WDR59: variants seen among roughly 807,000 people sequenced by gnomAD.
The protein encoded by WDR59 is GATOR2 complex protein WDR59.
WDR59 carries 100 observed loss-of-function variants against 131.2 expected under a neutral mutation model. The ratio of observed to expected loss-of-function variants is 0.76; its 90% CI spans 0.65 to 0.90. WDR59 has a LOEUF of 0.90. Ranked by LOEUF, WDR59 falls within the 40% of genes least tolerant of loss-of-function variation. The pLI, the probability that WDR59 is intolerant of heterozygous loss-of-function variation, is 0.00. For synonymous variants in WDR59, 601 were observed against 466.2 expected, an observed-to-expected ratio of 1.29 and a Z score of -3.72; for missense variants, 1,203 against 1,262.2, an observed-to-expected ratio of 0.95 and a Z score of 0.71.
At chr16:74,982,324 A>G (rs1332810492) in intron 1 of WDR59, among the ~76,000 whole-genome samples, 2 of 152,114 alleles carry the variant, frequency 1.3e-5, no homozygotes, top group Non-Finnish European at 2.9e-5. Context: ...GCTAATTCAC[A>G]TAAAGAGGAA....
chr16:74,894,315 G>C (rs1965185574), intron 18 of WDR59, among the ~76,000 whole-genome samples: 1 of 152,152 alleles, frequency 6.6e-6, no homozygotes, highest in Non-Finnish European at 1.5e-5. Context: ...TTTGCACCTT[G>C]AGGAGAATTA....
Position 74,911,678 on chromosome 16 carries a change from T to C in WDR59, c.1389+520A>G, listed in dbSNP as rs1346557194. 5.3e-5 allele frequency among the ~76,000 whole-genome samples: 8 copies of C among 152,348 alleles called. 1 individual carries two copies. The highest frequency in any genetic ancestry group is 3.8e-4 in the East Asian group (2 of 5,196). ...TCTAGGATAACACCAGCTCCTTCTA[T>C]GGGATAAAATTTTTTTTATGACCTT... On this transcript the variant is annotated intron_variant, in intron 14 of 25. Transcript: ENST00000262144.
chr16:74,964,023 T>C (rs996569336), intron 2 of WDR59, among the ~76,000 whole-genome samples: 3 of 151,182 alleles, frequency 2.0e-5, no homozygotes, highest in African/African-American at 7.3e-5. Context: ...AAGACCCTCA[T>C]CTCTAAAAAA....
rs79050972 is a variant in WDR59 at position 74,877,147 on chromosome 16, G to A, written c.2690-2703C>T. The stretch of plus-strand genomic sequence containing the variant: ...TTTTATTAAAACGATCAATCAACGC[G>A]GTGAGGGTATTGTCTTACTGAATGT... On this transcript the variant is annotated intron_variant, in intron 25 of 25. Coordinates refer to ENST00000262144, the MANE Select transcript of WDR59 (RefSeq NM_030581.4). Among the ~76,000 whole-genome samples, 869 of 152,188 alleles carry A rather than the reference G, an allele frequency of 5.7e-3. 10 individuals are homozygous for A. Among genetic ancestry groups the A allele is most frequent in the African/African-American group, 0.02 (816 of 41,500 alleles).
chr16:74,921,531 T>A (rs2030228955), intron 10 of WDR59, among the ~76,000 whole-genome samples: 1 of 152,062 alleles, frequency 6.6e-6, no homozygotes, highest in Non-Finnish European at 1.5e-5. Context: ...GAGCACTACA[T>A]GCTTGTGAAG....
At chr16:74,960,731 G>C (rs1307523067) in intron 2 of WDR59, among the ~76,000 whole-genome samples, 1 of 135,736 alleles carries the variant, frequency 7.4e-6, no homozygotes, top group Non-Finnish European at 1.5e-5. Flanking sequence ...CTTGGTGACA[G>C]AGCAAGATTC....
chr16:74,918,157 C>G (rs1041225814), intron 10 of WDR59, 149 bp from the exon 11 acceptor site: 1 of 681,598 alleles, frequency 1.5e-6, no homozygotes, highest in African/African-American at 1.8e-5. Context: ...GGTACCAGGA[C>G]TACAGCATGA....
intron 9 of WDR59, among the ~76,000 whole-genome samples, chr16:74,923,557 A>G (rs1263397427): frequency 6.6e-6 from 1 of 152,000 alleles, no homozygotes; most frequent in African/African-American, 2.4e-5. Context: ...AGCTTACTGC[A>G]AGCTCTGCCT....
Position 74,904,193 on chromosome 16 carries a change from G to C in WDR59, c.1713-93C>G. On this transcript the variant is annotated intron_variant, in intron 17 of 25. Transcript: ENST00000262144. ...TTAGCACTTGATACCAAAAGGAGAA[G>C]ACAAAATGAGAAGATGGAAACTCCA... 3 of 1,440,238 alleles carry C rather than the reference G, an allele frequency of 2.1e-6. No individual in the cohort carries two copies. In the East Asian group the frequency reaches 7.4e-5, roughly 35 times the overall value. The allele number at this position is 1,440,238 out of a possible 1,614,324, so 89.2% of individuals were successfully genotyped here.
rs1194804372 is a variant in WDR59, at chr16:74,871,369, C to G, written c.*2840G>C. On this transcript the variant is annotated 3_prime_UTR_variant, in exon 26 of 26. Coordinates refer to ENST00000262144, the MANE Select transcript of WDR59 (RefSeq NM_030581.4). ...AATAAACAAACAAAAGACTCAGGTG[C>G]TTGTAATCATCTATTCTGCGGCTGA... 6.6e-6 allele frequency: 1 copy of G among 152,212 alleles called. No homozygotes were observed. Among genetic ancestry groups the G allele is most frequent in the Non-Finnish European group, 1.5e-5 (1 of 68,052 alleles). The allele number at this position is 152,212 out of a possible 1,614,324, so 9.4% of individuals were successfully genotyped here.
intron 8 of WDR59, among the ~76,000 whole-genome samples, chr16:74,929,297 G>C (rs982977297): frequency 6.6e-6 from 1 of 151,996 alleles, no homozygotes; most frequent in South Asian, 2.1e-4. Context: ...GGATGGTCTC[G>C]ATCTCCTGAC....
At chr16:74,973,412 G>A (rs928787689) in intron 1 of WDR59, among the ~76,000 whole-genome samples, 2 of 152,132 alleles carry the variant, frequency 1.3e-5, no homozygotes, top group East Asian at 3.9e-4. Flanking sequence ...TCAGCCTCCT[G>A]AGTAAATGGT....
chr16:74,955,016 T>C (rs569848392), intron 3 of WDR59, among the ~76,000 whole-genome samples: 3 of 152,282 alleles, frequency 2.0e-5, no homozygotes, highest in South Asian at 2.1e-4. Flanking sequence ...CCGGGAGGGA[T>C]AGAAATGTTT....
At chr16:74,886,790 G>C (rs1401484571) in intron 23 of WDR59, among the ~76,000 whole-genome samples, 2 of 152,106 alleles carry the variant, frequency 1.3e-5, no homozygotes, top group Non-Finnish European at 2.9e-5. Flanking sequence ...GGGCGTACTG[G>C]TGCGTGCCTG....
intron 20 of WDR59, 125 bp from the exon 21 acceptor site, chr16:74,889,940 G>T: frequency 1.6e-6 from 1 of 631,064 alleles, no homozygotes; most frequent in Non-Finnish European, 2.7e-6. Flanking sequence ...GCAAAAGCTG[G>T]ATCCTTATTG....
chr16:74,911,420 A>T (rs1966081007), intron 14 of WDR59, among the ~76,000 whole-genome samples: 1 of 152,226 alleles, frequency 6.6e-6, no homozygotes, highest in South Asian at 2.1e-4. Context: ...TGGACAAAAA[A>T]TGAGCAACAT....
chr16:74,941,610 C>T (rs1211955898), intron 7 of WDR59, among the ~76,000 whole-genome samples: 1 of 151,338 alleles, frequency 6.6e-6, no homozygotes, highest in East Asian at 2.0e-4. Context: ...AGGAGAATTG[C>T]TTGAACCTGG....
chr16:74,934,722 A>G (rs1265426308), intron 8 of WDR59, among the ~76,000 whole-genome samples: 1 of 152,258 alleles, frequency 6.6e-6, no homozygotes, highest in East Asian at 1.9e-4. Context: ...CTGAAGCAGG[A>G]AGACTGCTTG....
intron 6 of WDR59, among the ~76,000 whole-genome samples, chr16:74,943,488 C>G (rs968607758): frequency 2.6e-5 from 4 of 152,148 alleles, no homozygotes; most frequent in Non-Finnish European, 4.4e-5. Flanking sequence ...GTCATTGATA[C>G]ATTAGTGACA....
Sources: allele counts gnomAD v4.1 joint callset (sites outside exome capture counted in the v4.1 genomes callset), GRCh38; gene constraint gnomAD v4.1.1; transcripts MANE v1.5; gene names NCBI Gene and HGNC (gene_info 2026-07-23, HGNC 2026-07-21).